Variants in KAZN observed in about 807,000 individuals in gnomAD.
The protein encoded by KAZN is kazrin, periplakin interacting protein.
KAZN carries 40 observed loss-of-function variants against 87.4 expected under a neutral mutation model. The observed-to-expected ratio is 0.46, with a 90% CI of 0.36 to 0.60. The LOEUF (loss-of-function observed/expected upper bound fraction) is 0.60, where lower values mean the gene tolerates loss of function less well. Ranked by LOEUF, KAZN falls within the 20% of genes least tolerant of loss-of-function variation. The probability of loss-of-function intolerance (pLI) is 0.00; values close to 1 mark genes in which losing one functional copy is unlikely to be tolerated. For missense variants in KAZN, 898 were observed against 1,073.9 expected, an observed-to-expected ratio of 0.84 and a Z score of 2.29; for synonymous variants, 466 against 458.3, an observed-to-expected ratio of 1.02 and a Z score of -0.22.
intron 2 of KAZN, among the ~76,000 whole-genome samples, chr1:14,317,322 G>T (rs991051115): frequency 2.6e-5 from 4 of 151,666 alleles, no homozygotes; most frequent in African/African-American, 9.7e-5. Flanking sequence ...CTATTTCATT[G>T]ATGTCAATAT....
At chr1:14,572,973 A>G (rs373795572) in intron 2 of KAZN, among the ~76,000 whole-genome samples, 10 of 152,344 alleles carry the variant, frequency 6.6e-5, no homozygotes, top group African/African-American at 1.4e-4. Flanking sequence ...CCAGAAAGCT[A>G]ATGTTCTATC....
At chr1:14,879,580 C>T (rs1013664390) in intron 1 of KAZN, among the ~76,000 whole-genome samples, 5 of 152,130 alleles carry the variant, frequency 3.3e-5, no homozygotes, top group Non-Finnish European at 7.3e-5. Flanking sequence ...GCTCTGATTT[C>T]AGGATCAGAA....
chr1:14,244,093 G>A (rs1359815582), intron 2 of KAZN, among the ~76,000 whole-genome samples: 4 of 152,134 alleles, frequency 2.6e-5, no homozygotes, highest in African/African-American at 7.2e-5. Flanking sequence ...AACATCACCC[G>A]CCATGTGGCT....
chr1:14,584,721 T>C (rs1007281088), intron 2 of KAZN, among the ~76,000 whole-genome samples: 1 of 152,106 alleles, frequency 6.6e-6, no homozygotes, highest in Non-Finnish European at 1.5e-5. Flanking sequence ...CTTGGCTCAC[T>C]GCAACCTCTG....
intron 1 of KAZN, among the ~76,000 whole-genome samples, chr1:14,775,690 A>C (rs1645155483): frequency 1.3e-5 from 2 of 152,238 alleles, no homozygotes; most frequent in Non-Finnish European, 2.9e-5. Context: ...TTTCCTCTTG[A>C]GAAGCTACCG....
chr1:14,065,188 T>C (rs1642959810), intron 1 of KAZN, among the ~76,000 whole-genome samples: 1 of 152,194 alleles, frequency 6.6e-6, no homozygotes, highest in Non-Finnish European at 1.5e-5. Flanking sequence ...AGGAGGGGAA[T>C]CTGTTCCGGC....
At position 14,315,885 on chromosome 1, in the gene KAZN, CA is replaced by C. The variant is rs925008529; in HGVS notation, c.249+135294del. Among the ~76,000 whole-genome samples the C allele has an allele frequency of 4.5e-4, 67 of 149,566 alleles. 1 individual carries two copies. The highest frequency in any genetic ancestry group is 1.4e-3 in the African/African-American group (57 of 41,270). ...ATTCATGTACAAGTCTTTGTATGAA[CA>C]TTTTTTTTTTATATTTTGGGGGTAT... On this transcript the variant is annotated intron_variant, in intron 2 of 16. Transcript: ENST00000636203.
chr1:14,836,719 G>A lies in KAZN; in HGVS notation c.227-123965G>A, dbSNP rs181659095. On this transcript the variant is annotated intron_variant, in intron 1 of 14. Coordinates refer to ENST00000376030, the MANE Select transcript of KAZN (RefSeq NM_201628.3). Reference sequence around the variant, plus strand: ...AGCCAAGTCCTGCACGATGTGGGGAGGGAAATGGAGAGGGGGTGTCTCAGC... The same window carrying A: ...AGCCAAGTCCTGCACGATGTGGGGAAGGAAATGGAGAGGGGGTGTCTCAGC... Among the ~76,000 whole-genome samples the A allele has an allele frequency of 3.7e-3, 560 of 152,254 alleles. 2 individuals are homozygous for A. Among genetic ancestry groups the A allele is most frequent in the Non-Finnish European group, 4.4e-3 (300 of 68,038 alleles).
intron 2 of KAZN, among the ~76,000 whole-genome samples, chr1:14,248,217 G>A (rs769068759): frequency 6.6e-5 from 10 of 152,164 alleles, no homozygotes; most frequent in Non-Finnish European, 1.2e-4. Flanking sequence ...AATAACACGG[G>A]AATTCCAGAC....
chr1:15,046,512 C>T (rs1026352141), intron 4 of KAZN, among the ~76,000 whole-genome samples: 2 of 152,112 alleles, frequency 1.3e-5, no homozygotes, highest in Non-Finnish European at 2.9e-5. Flanking sequence ...CGTCCAAACC[C>T]ACGTTGTTCA....
chr1:13,999,773 T>C (rs1159426784), intron 1 of KAZN, among the ~76,000 whole-genome samples: 1 of 152,054 alleles, frequency 6.6e-6, no homozygotes, highest in Admixed American at 6.6e-5. Context: ...AGCTGGTTTT[T>C]TGAAAAAATT....
chr1:14,514,318 C>CT (rs1372515812), intron 2 of KAZN, among the ~76,000 whole-genome samples: 1 of 47,452 alleles, frequency 2.1e-5, no homozygotes, highest in African/African-American at 8.6e-5. Flanking sequence ...GAGCAAGACT[C>CT]TGTCTCAAAA....
chr1:15,055,700 T>C (rs1674876617), intron 4 of KAZN, among the ~76,000 whole-genome samples: 1 of 152,142 alleles, frequency 6.6e-6, no homozygotes, highest in South Asian at 2.1e-4. Flanking sequence ...CTATATAAGA[T>C]GGGGAGACCA....
At chr1:14,387,348 G>C (rs1662008323) in intron 2 of KAZN, among the ~76,000 whole-genome samples, 1 of 152,194 alleles carries the variant, frequency 6.6e-6, no homozygotes. Flanking sequence ...TTGTTCTGTT[G>C]CTGGTGAGGA....
chr1:13,916,600 C>G (rs1011162190), intron 1 of KAZN, among the ~76,000 whole-genome samples: 2 of 152,168 alleles, frequency 1.3e-5, no homozygotes, highest in Non-Finnish European at 2.9e-5. Context: ...ATTAGACATT[C>G]ACCAAATCAT....
At chr1:14,384,294 GA>G (rs1661659863) in intron 2 of KAZN, among the ~76,000 whole-genome samples, 1 of 151,312 alleles carries the variant, frequency 6.6e-6, no homozygotes, top group African/African-American at 2.4e-5. Context: ...TTTCCTAATT[GA>G]ATACCCTTTA....
intron 1 of KAZN, among the ~76,000 whole-genome samples, chr1:14,042,686 C>G (rs115027686): frequency 0.013 from 1,955 of 152,140 alleles, 34 homozygotes; most frequent in African/African-American, 0.044. Flanking sequence ...TAGAAGGGGA[C>G]AGATATTTCT....
chr1:14,915,007 G>T (rs2101427571), intron 1 of KAZN, among the ~76,000 whole-genome samples: 1 of 152,274 alleles, frequency 6.6e-6, no homozygotes, highest in East Asian at 1.9e-4. Context: ...CCTCAACATG[G>T]AGAAACCCCA....
chr1:14,865,252 G>A (rs1327427983), intron 1 of KAZN, among the ~76,000 whole-genome samples: 2 of 152,126 alleles, frequency 1.3e-5, no homozygotes, highest in Admixed American at 6.5e-5. Flanking sequence ...ATGTAGCTGC[G>A]GCTCCTCCCC....
Sources: allele counts gnomAD v4.1 joint callset (sites outside exome capture counted in the v4.1 genomes callset), GRCh38; gene constraint gnomAD v4.1.1; transcripts MANE v1.5; gene names NCBI Gene and HGNC (gene_info 2026-07-23, HGNC 2026-07-21).